The following MDFIC variants were observed in gnomAD, a reference collection of about 807,000 sequenced individuals.
The protein encoded by MDFIC is MyoD family inhibitor domain containing.
MDFIC carries 17 observed loss-of-function variants against 23.2 expected under a neutral mutation model. The ratio of observed to expected loss-of-function variants is 0.73; its 90% CI spans 0.50 to 1.10. The LOEUF (loss-of-function observed/expected upper bound fraction) is 1.10. Among genes scored for constraint, MDFIC ranks in the 50% least tolerant of loss-of-function variants. The pLI is 0.00. For synonymous variants in MDFIC, 120 were observed against 115.2 expected (o/e 1.04, Z -0.27); for missense variants, 356 against 316.6 (o/e 1.12, Z -0.95).
chr7:115,015,815 G>C lies in MDFIC; in HGVS notation c.621G>C (p.Glu207Asp). 6.2e-7 allele frequency: 1 copy of C among 1,614,228 alleles called. No homozygotes were observed. Among genetic ancestry groups the C allele is most frequent in the Non-Finnish European group, 8.5e-7 (1 of 1,180,048 alleles). ...SEACCCCCGDEMGDDCNCPCD... is the reference protein window; with the variant it reads ...SEACCCCCGDDMGDDCNCPCD... ...CCTGCTGCTGTTGCTGTGGTGACGA[G>C]ATGGGGGATGATTGTAACTGCCCTT... The change falls in exon 5 of 5, where the codon GAG becomes GAC. Residue 207 changes from glutamate (E) to aspartate (D), a missense_variant. Coordinates refer to ENST00000393486, the MANE Select transcript of MDFIC (RefSeq NM_001166345.3).
Position 114,922,539 on chromosome 7 carries a change from A to G in MDFIC, c.-205A>G. On this transcript the variant is annotated 5_prime_UTR_variant, in exon 1 of 5. Coordinates refer to ENST00000393486, the MANE Select transcript of MDFIC (RefSeq NM_001166345.3). Reference sequence around the variant, plus strand: ...CCGCCGTCGTCAGGCCACCGGGGCGAAAATGCGGCCGCTGCCGGAGGCTCG... The same window carrying G: ...CCGCCGTCGTCAGGCCACCGGGGCGGAAATGCGGCCGCTGCCGGAGGCTCG... 2 of 1,266,116 alleles carry G rather than the reference A, an allele frequency of 1.6e-6. No homozygotes were observed. Among genetic ancestry groups the G allele is most frequent in the Non-Finnish European group, 2.0e-6 (2 of 999,492 alleles). The allele number at this position is 1,266,116 out of a possible 1,614,324, so 78.4% of individuals were successfully genotyped here.
chr7:114,922,971 G>A lies in MDFIC; in HGVS notation c.-63G>A. ...CCCAGCACCTCACAGCCCTTCCTCC[G>A]TGCGCCCTGCCGGGCGGCGAGCTAG... On this transcript the variant is annotated 5_prime_UTR_variant, in exon 2 of 5. The change creates a new upstream start codon in the 5' untranslated region. Coordinates refer to ENST00000393486, the MANE Select transcript of MDFIC (RefSeq NM_001166345.3). The A allele has an allele frequency of 6.4e-7, 1 of 1,551,958 alleles. No individual in the cohort carries two copies.
chr7:114,972,961 T>C (rs1793237157), intron 3 of MDFIC, among the ~76,000 whole-genome samples: 1 of 152,140 alleles, frequency 6.6e-6, no homozygotes, highest in South Asian at 2.1e-4. Context: ...TTCTTTCTAC[T>C]ACTATTAAGA....
chr7:114,995,644 A>C (rs565519240), intron 4 of MDFIC, among the ~76,000 whole-genome samples: 1 of 152,278 alleles, frequency 6.6e-6, no homozygotes, highest in South Asian at 2.1e-4. Context: ...TCAGCAGTGG[A>C]GGCTGCAGAA....
rs111802503 is a variant in MDFIC at position 114,963,868 on chromosome 7, C to G, written c.218-15638C>G. On this transcript the variant is annotated intron_variant, in intron 3 of 4. Coordinates refer to ENST00000393486, the MANE Select transcript of MDFIC (RefSeq NM_001166345.3). ...GTGCTGGGATTACAGGTGTGAGCCACTGTGCTGGGCTTTGTTTACTTAGAT... is the reference window on the plus strand; with the variant it reads ...GTGCTGGGATTACAGGTGTGAGCCAGTGTGCTGGGCTTTGTTTACTTAGAT... Among the ~76,000 whole-genome samples the G allele has an allele frequency of 4.1e-3, 629 of 152,324 alleles. 3 individuals carry two copies. The highest frequency in any genetic ancestry group is 0.014 in the African/African-American group (575 of 41,574).
In MDFIC at chr7:115,005,844, G is replaced by A. The variant is rs191562651; in HGVS notation, c.494-9844G>A. On this transcript the variant is annotated intron_variant, in intron 4 of 4. Coordinates refer to ENST00000393486, the MANE Select transcript of MDFIC (RefSeq NM_001166345.3). ...CAAATGGTATTAATAGATAACCTGG[G>A]TGGAGAGGGAGGAATGTGGAAAGAG... Among the ~76,000 whole-genome samples, 24 of 152,310 alleles carry A rather than the reference G, an allele frequency of 1.6e-4. No individual in the cohort carries two copies. The East Asian group carries it at 4.4e-3, about 28-fold the overall frequency.
At chr7:114,976,288 A>G (rs1793308046) in intron 3 of MDFIC, among the ~76,000 whole-genome samples, 1 of 152,146 alleles carries the variant, frequency 6.6e-6, no homozygotes, top group East Asian at 1.9e-4. Context: ...AACTCAATCA[A>G]GCTCTCAGAT....
intron 4 of MDFIC, among the ~76,000 whole-genome samples, chr7:115,015,327 T>G (rs1323713282): frequency 1.3e-5 from 2 of 152,192 alleles, no homozygotes; most frequent in Non-Finnish European, 2.9e-5. Context: ...ATAATGCAGT[T>G]GTTTTAGCCC....
At chr7:114,956,720 T>G (rs947058083) in intron 3 of MDFIC, among the ~76,000 whole-genome samples, 1 of 152,126 alleles carries the variant, frequency 6.6e-6, no homozygotes, top group Non-Finnish European at 1.5e-5. Context: ...TTTAGAATCA[T>G]TAGGGGTAGG....
intron 2 of MDFIC, among the ~76,000 whole-genome samples, chr7:114,941,823 T>G (rs1420470922): frequency 6.6e-6 from 1 of 152,194 alleles, no homozygotes; most frequent in Non-Finnish European, 1.5e-5. Flanking sequence ...CTGTACTTGT[T>G]TTCTATACCT....
At chr7:115,007,630 G>GTGTGTATATATATATATATATATATATA (rs369718965) in intron 4 of MDFIC, among the ~76,000 whole-genome samples, 5 of 132,940 alleles carry the variant, frequency 3.8e-5, no homozygotes, top group African/African-American at 1.5e-4. Flanking sequence ...GCGTGTGTGT[G>GTGTGTATATATATATATATATATATATA]TATATATATA....
At chr7:114,970,689 G>A (rs1014356688) in intron 3 of MDFIC, among the ~76,000 whole-genome samples, 2 of 152,158 alleles carry the variant, frequency 1.3e-5, no homozygotes, top group Non-Finnish European at 2.9e-5. Context: ...TGAGCCTGGA[G>A]TTTCAGTCTT....
intron 4 of MDFIC, among the ~76,000 whole-genome samples, chr7:114,990,110 A>G (rs963547404): frequency 3.9e-5 from 6 of 152,220 alleles, no homozygotes; most frequent in African/African-American, 1.4e-4. Flanking sequence ...TTTAAAATAT[A>G]TTTAAAGTAA....
chr7:115,003,474 G>A lies in MDFIC; in HGVS notation c.494-12214G>A, dbSNP rs796221008. On this transcript the variant is annotated intron_variant, in intron 4 of 4. Coordinates refer to ENST00000393486, the MANE Select transcript of MDFIC (RefSeq NM_001166345.3). ...ATGGCTTCAGAAACCAGGGAGTCAC[G>A]CTTGATTCTTCTCATCACTGCTTCA... 5.9e-4 allele frequency among the ~76,000 whole-genome samples: 90 copies of A among 152,224 alleles called. 1 individual carries two copies. Among genetic ancestry groups the A allele is most frequent in the African/African-American group, 1.9e-3 (77 of 41,522 alleles).
Position 114,922,349 on chromosome 7 carries a change from G to T in MDFIC, c.-395G>T. 1 of 1,146,324 alleles carries T rather than the reference G, an allele frequency of 8.7e-7. No homozygotes were observed. Among genetic ancestry groups the T allele is most frequent in the South Asian group, 4.4e-5 (1 of 22,484 alleles). 71.0% of individuals were successfully genotyped at this position (1,146,324 alleles called of 1,614,324 possible). ...TAGGAGTGGAAGAGGGGAAAGAGAG[G>T]CAGAGAGGGGGAAGGCCCCCTCGCA... On this transcript the variant is annotated 5_prime_UTR_variant, in exon 1 of 5. Transcript: ENST00000393486.
chr7:115,001,824 T>G (rs1052735281), intron 4 of MDFIC, among the ~76,000 whole-genome samples: 2 of 152,160 alleles, frequency 1.3e-5, no homozygotes, highest in Admixed American at 1.3e-4. Flanking sequence ...TATATATGTA[T>G]GTGTATAAAT....
intron 4 of MDFIC, among the ~76,000 whole-genome samples, chr7:114,993,197 A>T (rs1281688803): frequency 6.6e-6 from 1 of 152,122 alleles, no homozygotes; most frequent in African/African-American, 2.4e-5. Flanking sequence ...CAGTGGTGAT[A>T]TCCCCTTTAT....
chr7:114,981,336 C>A (rs1012666602), intron 4 of MDFIC, among the ~76,000 whole-genome samples: 1 of 152,046 alleles, frequency 6.6e-6, no homozygotes, highest in Non-Finnish European at 1.5e-5. Flanking sequence ...TTTATTATTG[C>A]TTGCCTTTAA....
rs529551893 is a variant in MDFIC at position 114,963,748 on chromosome 7, T to C, written c.218-15758T>C. Among the ~76,000 whole-genome samples, 6 of 152,172 alleles carry C rather than the reference T, an allele frequency of 3.9e-5. No homozygotes were observed. In the South Asian group the frequency reaches 1.3e-3, roughly 32 times the overall value. ...GGCACGTGCCACCATGCCTGGATAATTTTATTGTTTTTGTAGAGATGGGAT... is the reference window on the plus strand; with the variant it reads ...GGCACGTGCCACCATGCCTGGATAACTTTATTGTTTTTGTAGAGATGGGAT... On this transcript the variant is annotated intron_variant, in intron 3 of 4. Transcript: ENST00000393486.
Sources: allele counts gnomAD v4.1 joint callset (sites outside exome capture counted in the v4.1 genomes callset), GRCh38; gene constraint gnomAD v4.1.1; transcripts MANE v1.5; gene names NCBI Gene and HGNC (gene_info 2026-07-23, HGNC 2026-07-21).